The following PLSCR2 variants were observed in gnomAD, a reference collection of about 807,000 sequenced individuals.
PLSCR2 encodes the protein phospholipid scramblase 2, also known as PL scramblase 2.
In PLSCR2, 18 loss-of-function variants were observed where a neutral mutation model predicts 25.3. The ratio of observed to expected loss-of-function variants is 0.71; its 90% CI spans 0.49 to 1.06. The LOEUF is 1.06. Among genes scored for constraint, PLSCR2 ranks in the 50% least tolerant of loss-of-function variants. PLSCR2 has a pLI of 0.00. For synonymous variants in PLSCR2, 88 were observed against 87.3 expected (o/e 1.01, Z -0.04); for missense variants, 243 against 269.5 (o/e 0.90, Z 0.69).
chr3:146,455,188 G>T, intron 4 of PLSCR2, 51 bp downstream of exon 4: 1 of 1,202,860 alleles, frequency 8.3e-7, no homozygotes, highest in Non-Finnish European at 1.2e-6. Flanking sequence ...TAAAAGGGTG[G>T]AAATCCTTGC....
chr3:146,447,554 G>C (rs1367135945), intron 6 of PLSCR2, among the ~76,000 whole-genome samples: 1 of 151,132 alleles, frequency 6.6e-6, no homozygotes, highest in African/African-American at 2.4e-5. Flanking sequence ...TCTACTGTAG[G>C]GGGGTGGTAT....
At chr3:146,415,832 T>TTCATACCAGA (rs1293964613) in intron 2 of PLSCR2, among the ~76,000 whole-genome samples, 1 of 152,218 alleles carries the variant, frequency 6.6e-6, no homozygotes, top group African/African-American at 2.4e-5. Context: ...ATTTTACATT[T>TTCATACCAGA]TCATACCAGG....
At chr3:146,464,220 GACTA>G (rs1366822138), upstream of PLSCR2, among the ~76,000 whole-genome samples, 1 of 152,180 alleles carries the variant, frequency 6.6e-6, no homozygotes, top group African/African-American at 2.4e-5. Flanking sequence ...AGGGTAACTA[GACTA>G]ACTAGGGTAG....
chr3:146,404,115 C>A (rs1367812615), intron 2 of PLSCR2, among the ~76,000 whole-genome samples: 2 of 152,176 alleles, frequency 1.3e-5, no homozygotes, highest in African/African-American at 2.4e-5. Flanking sequence ...GCAGTAGGGA[C>A]CACATGCATC....
intron 4 of PLSCR2, among the ~76,000 whole-genome samples, 186 bp from the exon 5 acceptor site, chr3:146,454,349 C>T (rs2041077246): frequency 6.6e-6 from 1 of 152,018 alleles, no homozygotes; most frequent in African/African-American, 2.4e-5. Flanking sequence ...GAGCATTTCC[C>T]ATCAAACTGT....
chr3:146,437,256 G>T (rs1172497110), downstream of PLSCR2, among the ~76,000 whole-genome samples: 1 of 152,100 alleles, frequency 6.6e-6, no homozygotes, highest in Non-Finnish European at 1.5e-5. Flanking sequence ...TTGTGTCTCT[G>T]CCAGGCTTTG....
intron 2 of PLSCR2, among the ~76,000 whole-genome samples, chr3:146,418,429 T>C (rs1347903713): frequency 6.6e-6 from 1 of 152,166 alleles, no homozygotes; most frequent in Non-Finnish European, 1.5e-5. Flanking sequence ...AAATTTCTCT[T>C]CAAACTTAGA....
intron 1 of PLSCR2, among the ~76,000 whole-genome samples, chr3:146,473,303 C>CT (rs35755415): frequency 0.051 from 6,234 of 121,284 alleles, 461 homozygotes; most frequent in African/African-American, 0.14. Context: ...AAAGTACTAT[C>CT]TTTTTTTTTT....
At chr3:146,424,572 G>A (rs1608389) in intron 2 of PLSCR2, among the ~76,000 whole-genome samples, 84,423 of 151,902 alleles carry the variant, frequency 0.56, 24,119 homozygotes, top group South Asian at 0.75. Flanking sequence ...ATCTTGGTAC[G>A]GGAATCACAG....
intron 2 of PLSCR2, among the ~76,000 whole-genome samples, chr3:146,411,765 TAGTTAAA>T (rs1183853023): frequency 6.6e-6 from 1 of 152,238 alleles, no homozygotes; most frequent in East Asian, 1.9e-4. Flanking sequence ...GGAGGGGGTC[TAGTTAAA>T]ACAATTTTAC....
chr3:146,467,766 C>T (rs1295834217), intron 1 of PLSCR2, among the ~76,000 whole-genome samples: 4 of 151,750 alleles, frequency 2.6e-5, no homozygotes, highest in Non-Finnish European at 4.4e-5. Flanking sequence ...AAAGTCAGAG[C>T]GGAGAGTTGA....
intron 5 of PLSCR2, among the ~76,000 whole-genome samples, chr3:146,452,261 CA>C (rs1420165826): frequency 7.9e-5 from 12 of 151,572 alleles, no homozygotes; most frequent in African/African-American, 2.7e-4. Flanking sequence ...CATTTGGTAT[CA>C]GAAGTATGAG....
At chr3:146,432,374 TTGATTTGAG>T (rs2039578316), downstream of PLSCR2, among the ~76,000 whole-genome samples, 1 of 152,136 alleles carries the variant, frequency 6.6e-6, no homozygotes, top group African/African-American at 2.4e-5. Context: ...ACAAGCCCAG[TTGATTTGAG>T]TGGAAAATAG....
intron 2 of PLSCR2, among the ~76,000 whole-genome samples, chr3:146,417,165 G>T (rs1292731022): frequency 1.3e-5 from 2 of 152,052 alleles, no homozygotes; most frequent in African/African-American, 4.8e-5. Flanking sequence ...TTTTCCTTAG[G>T]TTGCTCAGAA....
At chr3:146,398,263 A>C (rs2077031295) in intron 2 of PLSCR2, among the ~76,000 whole-genome samples, 1 of 151,914 alleles carries the variant, frequency 6.6e-6, no homozygotes, top group African/African-American at 2.4e-5. Flanking sequence ...TAAGCACCTA[A>C]AAATTTTTAA....
intron 3 of PLSCR2, among the ~76,000 whole-genome samples, chr3:146,394,005 T>A (rs1374948390): frequency 6.6e-6 from 1 of 152,078 alleles, no homozygotes; most frequent in Non-Finnish European, 1.5e-5. Flanking sequence ...AAGTTAATAT[T>A]ACATGCATAC....
intron 2 of PLSCR2, among the ~76,000 whole-genome samples, chr3:146,401,774 A>G (rs1412038956): frequency 4.6e-5 from 7 of 152,068 alleles, no homozygotes; most frequent in African/African-American, 7.2e-5. Context: ...CTAAAATTCT[A>G]TGCATAACTT....
At chr3:146,471,043 T>C (rs1027410122) in intron 1 of PLSCR2, among the ~76,000 whole-genome samples, 1 of 5,496 alleles carries the variant, frequency 1.8e-4, no homozygotes, top group Non-Finnish European at 8.4e-4. Flanking sequence ...GTTTTTGTTT[T>C]TTTGTTTTTT....
At chr3:146,408,437 G>A (rs2038730615) in intron 2 of PLSCR2, among the ~76,000 whole-genome samples, 1 of 152,142 alleles carries the variant, frequency 6.6e-6, no homozygotes, top group African/African-American at 2.4e-5. Context: ...GCACCTCTTG[G>A]ATAGCCACCA....
Sources: allele counts gnomAD v4.1 joint callset (sites outside exome capture counted in the v4.1 genomes callset), GRCh38; gene constraint gnomAD v4.1.1; transcripts MANE v1.5; gene names NCBI Gene and HGNC (gene_info 2026-07-23, HGNC 2026-07-21).